ENOX1: variants seen among roughly 807,000 people sequenced by gnomAD.
ENOX1 encodes candidate growth-related and time keeping constitutive hydroquinone (NADH) oxidase.
Under a neutral mutation model 82.5 loss-of-function variants are expected in ENOX1, and 42 were observed. The observed-to-expected ratio is 0.51, with a 90% confidence interval of 0.40 to 0.66. The LOEUF (loss-of-function observed/expected upper bound fraction) is 0.66. ENOX1 is among the 30% of genes least tolerant of loss of function. The pLI is 0.00. For missense variants in ENOX1, 608 were observed against 811.6 expected, an observed-to-expected ratio of 0.75 and a Z score of 3.05; for synonymous variants, 271 against 282.2, an observed-to-expected ratio of 0.96 and a Z score of 0.40.
At chr13:43,765,568 T>C (rs1016757268) in intron 1 of ENOX1, among the ~76,000 whole-genome samples, 8 of 152,162 alleles carry the variant, frequency 5.3e-5, no homozygotes, top group Non-Finnish European at 1.2e-4. Flanking sequence ...TAGTTATCTA[T>C]AGCTATCCAT....
chr13:43,232,218 G>A (rs973685941), intron 15 of ENOX1, among the ~76,000 whole-genome samples: 1 of 151,664 alleles, frequency 6.6e-6, no homozygotes, highest in South Asian at 2.1e-4. Flanking sequence ...ATAGGCGTGA[G>A]CCACCACACC....
chr13:43,437,609 G>A (rs536995079), intron 3 of ENOX1, among the ~76,000 whole-genome samples: 1 of 152,308 alleles, frequency 6.6e-6, no homozygotes, highest in African/African-American at 2.4e-5. Flanking sequence ...TCACATATTA[G>A]AAGTAAAGCG....
chr13:43,444,590 CCTAA>C (rs2056524840), intron 3 of ENOX1, among the ~76,000 whole-genome samples: 1 of 152,098 alleles, frequency 6.6e-6, no homozygotes, highest in Non-Finnish European at 1.5e-5. Context: ...TTTCACAGTG[CCTAA>C]CTAAACCAGA....
intron 1 of ENOX1, among the ~76,000 whole-genome samples, chr13:43,771,308 C>T (rs1951584889): frequency 6.6e-6 from 1 of 152,068 alleles, no homozygotes; most frequent in African/African-American, 2.4e-5. Context: ...GATGGTACCT[C>T]CCTGACTGTC....
intron 11 of ENOX1, among the ~76,000 whole-genome samples, chr13:43,308,525 A>C (rs763675808): frequency 2.0e-5 from 3 of 152,164 alleles, no homozygotes; most frequent in Non-Finnish European, 4.4e-5. Flanking sequence ...TGGTGAGTAT[A>C]ATTTTTCAGG....
chr13:43,597,326 G>C (rs1388979437), intron 2 of ENOX1, among the ~76,000 whole-genome samples: 4 of 152,170 alleles, frequency 2.6e-5, no homozygotes, highest in African/African-American at 9.7e-5. Context: ...CCATGGCCAA[G>C]AAAGGGAAAC....
At chr13:43,232,570 C>G (rs749191160) in intron 15 of ENOX1, among the ~76,000 whole-genome samples, 3 of 152,136 alleles carry the variant, frequency 2.0e-5, no homozygotes, top group East Asian at 3.9e-4. Context: ...TTAGGAGGAG[C>G]CTTCTGCTTC....
chr13:43,481,783 A>G (rs1345826250), intron 3 of ENOX1, among the ~76,000 whole-genome samples: 1 of 152,196 alleles, frequency 6.6e-6, no homozygotes, highest in East Asian at 1.9e-4. Flanking sequence ...AATATATTAA[A>G]TATGTAATAA....
At chr13:43,674,098 TGAAA>T (rs2085392286) in intron 1 of ENOX1, among the ~76,000 whole-genome samples, 1 of 152,168 alleles carries the variant, frequency 6.6e-6, no homozygotes, top group Admixed American at 6.5e-5. Context: ...GCAGAGTGAA[TGAAA>T]GAGTTTGTCA....
At chr13:43,448,656 T>A (rs2056790255) in intron 3 of ENOX1, among the ~76,000 whole-genome samples, 1 of 152,176 alleles carries the variant, frequency 6.6e-6, no homozygotes, top group African/African-American at 2.4e-5. Context: ...TCTTCATTGA[T>A]CTAGATGAGA....
intron 5 of ENOX1, among the ~76,000 whole-genome samples, chr13:43,386,706 G>A (rs932288566): frequency 3.3e-5 from 5 of 152,168 alleles, no homozygotes; most frequent in Non-Finnish European, 7.4e-5. Flanking sequence ...AATGGTCCAA[G>A]AATATGATTG....
chr13:43,608,976 A>T (rs1252620275), intron 2 of ENOX1, among the ~76,000 whole-genome samples: 1 of 152,076 alleles, frequency 6.6e-6, no homozygotes, highest in East Asian at 1.9e-4. Flanking sequence ...CACCCCTTCT[A>T]AGCTCTGCCA....
At chr13:43,761,651 T>G (rs1950982742) in intron 1 of ENOX1, among the ~76,000 whole-genome samples, 1 of 152,258 alleles carries the variant, frequency 6.6e-6, no homozygotes, top group South Asian at 2.1e-4. Context: ...CTTGAGGGAC[T>G]GTAGGTCCTC....
intron 12 of ENOX1, among the ~76,000 whole-genome samples, chr13:43,290,640 C>T (rs1315413634): frequency 6.6e-6 from 1 of 152,180 alleles, no homozygotes; most frequent in Non-Finnish European, 1.5e-5. Context: ...GGATACTATG[C>T]TCACTACCCA....
intron 1 of ENOX1, among the ~76,000 whole-genome samples, chr13:43,673,173 G>C (rs1038035255): frequency 8.2e-6 from 1 of 121,482 alleles, no homozygotes; most frequent in African/African-American, 4.2e-5. Context: ...GTTTGCATGT[G>C]TGTATATATA....
chr13:43,701,708 A>AT (rs1360468203), intron 1 of ENOX1, among the ~76,000 whole-genome samples: 3 of 151,968 alleles, frequency 2.0e-5, no homozygotes, highest in African/African-American at 7.3e-5. Context: ...GATTTTGGGG[A>AT]TTTTAGACTG....
intron 2 of ENOX1, among the ~76,000 whole-genome samples, chr13:43,627,530 C>G (rs2083018987): frequency 6.6e-6 from 1 of 152,040 alleles, no homozygotes; most frequent in Admixed American, 6.6e-5. Flanking sequence ...TTTGAAGTCT[C>G]TTTGCCTTCC....
intron 1 of ENOX1, among the ~76,000 whole-genome samples, chr13:43,741,849 T>C: frequency 6.6e-6 from 1 of 152,224 alleles, no homozygotes; most frequent in East Asian, 1.9e-4. Context: ...TCTGTTTTCT[T>C]CTAATAGTTT....
intron 2 of ENOX1, among the ~76,000 whole-genome samples, chr13:43,623,492 A>C (rs2082834258): frequency 6.6e-6 from 1 of 152,152 alleles, no homozygotes; most frequent in South Asian, 2.1e-4. Context: ...GTAAACTCGG[A>C]AACTTCTTCC....
Sources: allele counts gnomAD v4.1 joint callset (sites outside exome capture counted in the v4.1 genomes callset), GRCh38; gene constraint gnomAD v4.1.1; transcripts MANE v1.5; gene names NCBI Gene and HGNC (gene_info 2026-07-23, HGNC 2026-07-21).